KIAA0825: variants seen among roughly 807,000 people sequenced by gnomAD.
KIAA0825 encodes the protein KIAA0825, also known as uncharacterized protein KIAA0825.
Under a neutral mutation model 147.6 loss-of-function variants are expected in KIAA0825, and 119 were observed. The ratio of observed to expected loss-of-function variants is 0.81; its 90% CI spans 0.69 to 0.94. The LOEUF (loss-of-function observed/expected upper bound fraction) is 0.94, where lower values mean the gene tolerates loss of function less well. Among genes scored for constraint, KIAA0825 ranks in the 40% least tolerant of loss-of-function variants. KIAA0825 has a pLI of 0.00. For synonymous variants in KIAA0825, 470 were observed against 518.1 expected, an observed-to-expected ratio of 0.91 and a Z score of 1.26; for missense variants, 1,381 against 1,472.7, an observed-to-expected ratio of 0.94 and a Z score of 1.02.
chr5:94,327,545 C>T lies in KIAA0825; in HGVS notation c.3710+56823G>A, dbSNP rs1019039985. On this transcript the variant is annotated intron_variant, in intron 20 of 20. Transcript: ENST00000682413. ...AATTACATGTGCTATACAGTTATCT[C>T]TCATTTATACCAAGTCCCGGTAAAG... Among the ~76,000 whole-genome samples the T allele has an allele frequency of 7.2e-5, 11 of 152,202 alleles. No homozygotes were observed. In the South Asian group the frequency reaches 2.3e-3, roughly 32 times the overall value.
At chr5:94,496,814 G>T (rs1764421564) in intron 5 of KIAA0825, among the ~76,000 whole-genome samples, 1 of 152,166 alleles carries the variant, frequency 6.6e-6, no homozygotes, top group Admixed American at 6.5e-5. Context: ...GTTGCCAGGT[G>T]GAGGTTGTTA....
At chr5:94,590,192 G>A (rs183688719) in intron 1 of KIAA0825, among the ~76,000 whole-genome samples, 5 of 152,076 alleles carry the variant, frequency 3.3e-5, no homozygotes, top group Admixed American at 6.6e-5. Context: ...ATGGGGTTTC[G>A]CAATGTTGGC....
At chr5:94,443,161 C>T (rs1420690514) in intron 13 of KIAA0825, among the ~76,000 whole-genome samples, 1 of 151,990 alleles carries the variant, frequency 6.6e-6, no homozygotes, top group African/African-American at 2.4e-5. Context: ...TAGAATGACT[C>T]ACTATGAGGA....
intron 20 of KIAA0825, among the ~76,000 whole-genome samples, chr5:94,189,183 C>T (rs958126842): frequency 2.6e-5 from 4 of 152,092 alleles, no homozygotes; most frequent in Non-Finnish European, 4.4e-5. Context: ...TGTCAAGAAT[C>T]GTCTATAAAA....
At chr5:94,385,988 G>A (rs1749087015) in intron 19 of KIAA0825, among the ~76,000 whole-genome samples, 1 of 152,174 alleles carries the variant, frequency 6.6e-6, no homozygotes, top group Admixed American at 6.5e-5. Flanking sequence ...CCTAACAGAT[G>A]TTCCCTCTGC....
intron 13 of KIAA0825, among the ~76,000 whole-genome samples, chr5:94,446,798 G>C (rs566641920): frequency 1.3e-5 from 2 of 152,280 alleles, no homozygotes; most frequent in East Asian, 3.9e-4. Flanking sequence ...TTGGGTTTGA[G>C]AAAACTCTTG....
intron 5 of KIAA0825, among the ~76,000 whole-genome samples, chr5:94,517,714 A>G (rs1023419436): frequency 2.0e-5 from 3 of 150,962 alleles, no homozygotes; most frequent in Non-Finnish European, 4.4e-5. Flanking sequence ...AAATTATTTA[A>G]ATTTAAATAA....
intron 14 of KIAA0825, 28 bp from the exon 15 acceptor site, chr5:94,417,393 C>T: frequency 6.6e-7 from 1 of 1,525,536 alleles, no homozygotes; most frequent in Non-Finnish European, 8.9e-7. Flanking sequence ...TGAAAGGAAT[C>T]AAAATGATTT....
At chr5:94,260,989 T>A (rs776487397) in intron 20 of KIAA0825, among the ~76,000 whole-genome samples, 1 of 152,148 alleles carries the variant, frequency 6.6e-6, no homozygotes, top group Admixed American at 6.6e-5. Context: ...GAATATTTGA[T>A]AACAGCAAAA....
At chr5:94,358,767 G>A (rs1485916118) in intron 20 of KIAA0825, among the ~76,000 whole-genome samples, 1 of 152,146 alleles carries the variant, frequency 6.6e-6, no homozygotes, top group Non-Finnish European at 1.5e-5. Flanking sequence ...AAGGGTACTT[G>A]CATAATATTC....
chr5:94,459,946 T>C (rs1759604264), intron 12 of KIAA0825, among the ~76,000 whole-genome samples: 1 of 152,146 alleles, frequency 6.6e-6, no homozygotes, highest in African/African-American at 2.4e-5. Context: ...TTAAATTACT[T>C]GTGGCAAATA....
At chr5:94,470,273 A>T (rs35884882) in intron 9 of KIAA0825, among the ~76,000 whole-genome samples, 162 bp from the exon 10 acceptor site, 2,572 of 152,346 alleles carry the variant, frequency 0.017, 42 homozygotes, top group Non-Finnish European at 0.022. Flanking sequence ...AAGGAAAAAA[A>T]AAAATAAAAA....
At chr5:94,392,477 A>G (rs191718118) in intron 17 of KIAA0825, among the ~76,000 whole-genome samples, 2 of 152,324 alleles carry the variant, frequency 1.3e-5, no homozygotes, top group African/African-American at 4.8e-5. Context: ...AAGAATTTAA[A>G]CATTTCAAAC....
chr5:94,203,098 C>A (rs985728387), intron 20 of KIAA0825, among the ~76,000 whole-genome samples: 1 of 152,130 alleles, frequency 6.6e-6, no homozygotes, highest in Non-Finnish European at 1.5e-5. Context: ...ACTACAGAAA[C>A]TTAGAGAAAT....
At chr5:94,468,755 C>T (rs909000430) in intron 10 of KIAA0825, among the ~76,000 whole-genome samples, 5 of 152,230 alleles carry the variant, frequency 3.3e-5, no homozygotes, top group East Asian at 1.9e-4. Context: ...TCAGTGCCTG[C>T]GAGGTGACAG....
intron 14 of KIAA0825, among the ~76,000 whole-genome samples, chr5:94,421,313 T>C (rs1293096606): frequency 6.6e-6 from 1 of 152,256 alleles, no homozygotes; most frequent in Non-Finnish European, 1.5e-5. Context: ...CCCAGAACAG[T>C]GGCCTTAGCC....
At chr5:94,281,425 A>G (rs1353703494) in intron 20 of KIAA0825, among the ~76,000 whole-genome samples, 1 of 152,132 alleles carries the variant, frequency 6.6e-6, no homozygotes, top group Non-Finnish European at 1.5e-5. Context: ...CCACCTGGGA[A>G]GATTTTAAAA....
chr5:94,471,474 C>T lies in KIAA0825; in HGVS notation c.1713G>A (p.Met571Ile). 2 of 1,551,732 alleles carry T rather than the reference C, an allele frequency of 1.3e-6. No individual in the cohort carries two copies. The highest frequency in any genetic ancestry group is 1.7e-6 in the Non-Finnish European group (2 of 1,146,940). ...FKRYDNLMKE[M>I]TKKPIFLVLV... ...ATTTAAACAACACTCACTTTTTAGT[C>T]ATTTCCTTCATCAAATTATCATATC... is the stretch of plus-strand genomic sequence containing the variant. Residue 571 changes from methionine to isoleucine, a missense_variant, in exon 9 of 21, where the codon ATG becomes ATA. Physicochemically the swap from Met to Ile is conservative, Grantham distance 10. Transcript: ENST00000682413.
chr5:94,560,708 A>G (rs1018875578), intron 2 of KIAA0825, among the ~76,000 whole-genome samples: 1 of 152,186 alleles, frequency 6.6e-6, no homozygotes, highest in Non-Finnish European at 1.5e-5. Flanking sequence ...ATGGTCACCA[A>G]ATGCTCTCAA....
Sources: allele counts gnomAD v4.1 joint callset (sites outside exome capture counted in the v4.1 genomes callset), GRCh38; gene constraint gnomAD v4.1.1; transcripts MANE v1.5; gene names NCBI Gene and HGNC (gene_info 2026-07-23, HGNC 2026-07-21).